Variants in NSD1 observed in about 807,000 individuals in gnomAD.
NSD1 encodes nuclear receptor binding SET domain protein 1, also known as histone-lysine N-methyltransferase, H3 lysine-36 specific.
NSD1 carries 26 observed loss-of-function variants against 242.7 expected under a neutral mutation model. The ratio of observed to expected loss-of-function variants is 0.11; its 90% CI spans 0.08 to 0.15. The LOEUF (loss-of-function observed/expected upper bound fraction) is 0.15, where lower values mean the gene tolerates loss of function less well. NSD1 is among the 10% of genes least tolerant of loss of function. The pLI is 1.00. For synonymous variants in NSD1, 1,106 were observed against 1,178.1 expected, an observed-to-expected ratio of 0.94 and a Z score of 1.25; for missense variants, 2,495 against 3,272.8, an observed-to-expected ratio of 0.76 and a Z score of 5.80.
At chr5:177,250,035 A>C (rs1755804467) in intron 11 of NSD1, among the ~76,000 whole-genome samples, 1 of 152,220 alleles carries the variant, frequency 6.6e-6, no homozygotes, top group Non-Finnish European at 1.5e-5. Flanking sequence ...TTAGTGAGCC[A>C]TGGTCATGCC....
At chr5:177,223,103 A>T (rs1764367004) in intron 5 of NSD1, among the ~76,000 whole-genome samples, 1 of 147,546 alleles carries the variant, frequency 6.8e-6, no homozygotes. Flanking sequence ...TTTCAGACAG[A>T]GTCTCGCTCT....
intron 3 of NSD1, among the ~76,000 whole-genome samples, chr5:177,194,727 A>C (rs1329778672): frequency 4.6e-5 from 5 of 108,010 alleles, no homozygotes; most frequent in Non-Finnish European, 8.5e-5. Context: ...TTTGAGGCAG[A>C]GCCTTGCTCT....
chr5:177,216,679 T>TG (rs2149856973), intron 5 of NSD1, among the ~76,000 whole-genome samples: 1 of 151,534 alleles, frequency 6.6e-6, no homozygotes, highest in East Asian at 1.9e-4. Flanking sequence ...TGTTTTTTTT[T>TG]TTTTTTTTTT....
rs1764041912 is a variant in NSD1, at chr5:177,219,204, T to G, written c.3796+7009T>G. Among the ~76,000 whole-genome samples, 3 of 152,114 alleles carry G rather than the reference T, an allele frequency of 2.0e-5. No homozygotes were observed. The South Asian group carries it at 6.2e-4, about 32-fold the overall frequency. ...CCCATAAGTTTTGTGTTTTTTTTTT[T>G]GAGAGGGAGTCTCGCTCTGTCGCCA... is the stretch of plus-strand genomic sequence containing the variant. On this transcript the variant is annotated intron_variant, in intron 5 of 22. Transcript: ENST00000439151.
At chr5:177,240,415 A>G (rs1054404924) in intron 8 of NSD1, among the ~76,000 whole-genome samples, 1 of 151,968 alleles carries the variant, frequency 6.6e-6, no homozygotes, top group African/African-American at 2.4e-5. Context: ...TTTATTCAAG[A>G]AATCTAGTGT....
chr5:177,167,319 C>T (rs1759286347), intron 2 of NSD1, among the ~76,000 whole-genome samples: 1 of 151,848 alleles, frequency 6.6e-6, no homozygotes, highest in Non-Finnish European at 1.5e-5. Flanking sequence ...GGTGGATCAC[C>T]TGAGGTCAGG....
At chr5:177,212,278 A>G in intron 5 of NSD1, 83 bp downstream of exon 5, 1 of 1,386,216 alleles carries the variant, frequency 7.2e-7, no homozygotes, top group Non-Finnish European at 1.0e-6. Context: ...GGTCTGTTGT[A>G]ATGGTAAAGT....
At chr5:177,206,401 A>G (rs1762871011) in intron 4 of NSD1, among the ~76,000 whole-genome samples, 1 of 152,084 alleles carries the variant, frequency 6.6e-6, no homozygotes, top group South Asian at 2.1e-4. Flanking sequence ...CGGTTTCCCA[A>G]AGTGATGGGA....
chr5:177,280,759 C>T lies in NSD1; in HGVS notation c.5817C>T (p.Arg1939=). The part of the protein sequence containing the change: ...GRCQNQCFSK[R]QYPEVEIFRT... The stretch of plus-strand genomic sequence containing the variant: ...GTCAAAACCAGTGCTTTTCCAAGCG[C>T]CAATATCCAGAGGTTGAAATTTTCC... Residue 1939 remains arginine (R), a synonymous_variant, in exon 18 of 23, where the codon CGC becomes CGT. Coordinates refer to ENST00000439151, the MANE Select transcript of NSD1 (RefSeq NM_022455.5). 1 of 1,614,188 alleles carries T rather than the reference C, an allele frequency of 6.2e-7. No homozygotes were observed. The highest frequency in any genetic ancestry group is 8.5e-7 in the Non-Finnish European group (1 of 1,180,036).
intron 3 of NSD1, among the ~76,000 whole-genome samples, chr5:177,199,236 G>C (rs1373125196): frequency 2.0e-5 from 3 of 152,162 alleles, no homozygotes; most frequent in African/African-American, 4.8e-5. Flanking sequence ...GCGTAGGCTA[G>C]GTGTATTAAA....
chr5:177,273,976 C>A (rs185639847), intron 17 of NSD1, among the ~76,000 whole-genome samples, 192 bp downstream of exon 17: 3 of 152,084 alleles, frequency 2.0e-5, no homozygotes, highest in Non-Finnish European at 4.4e-5. Flanking sequence ...GAGGCCGAGG[C>A]GGGCGGATCA....
At chr5:177,239,096 A>G (rs1765661098) in intron 7 of NSD1, among the ~76,000 whole-genome samples, 1 of 152,232 alleles carries the variant, frequency 6.6e-6, no homozygotes, top group Admixed American at 6.5e-5. Context: ...TAGTCAGTCA[A>G]GGAATGGCAA....
At chr5:177,196,996 G>A (rs887178182) in intron 3 of NSD1, among the ~76,000 whole-genome samples, 4 of 152,184 alleles carry the variant, frequency 2.6e-5, no homozygotes, top group East Asian at 1.9e-4. Flanking sequence ...GGCTGGTTGT[G>A]GTGGCTCACG....
At chr5:177,139,941 CAAA>C (rs58879575) in intron 2 of NSD1, among the ~76,000 whole-genome samples, 6 of 95,550 alleles carry the variant, frequency 6.3e-5, no homozygotes, top group Non-Finnish European at 9.5e-5. Context: ...AAGATCCTGT[CAAA>C]AAAAAAAAAA....
At position 177,175,081 on chromosome 5, in the gene NSD1, C is replaced by T. The variant is rs574169347; in HGVS notation, c.928-16803C>T. On this transcript the variant is annotated intron_variant, in intron 2 of 22. Coordinates refer to ENST00000439151, the MANE Select transcript of NSD1 (RefSeq NM_022455.5). Reference sequence around the variant, plus strand: ...AGAGACGGGGTTTCACCGTGTTAGTCAAGATGGTCTCGATCTCCTGACCTC... The same window carrying T: ...AGAGACGGGGTTTCACCGTGTTAGTTAAGATGGTCTCGATCTCCTGACCTC... Among the ~76,000 whole-genome samples the T allele has an allele frequency of 3.0e-3, 452 of 151,732 alleles. 1 individual carries two copies. The highest frequency in any genetic ancestry group is 5.6e-3 in the Non-Finnish European group (381 of 67,932).
chr5:177,189,064 A>C (rs117541588), intron 2 of NSD1, among the ~76,000 whole-genome samples: 1,977 of 152,224 alleles, frequency 0.013, 86 homozygotes, highest in East Asian at 0.11. Flanking sequence ...ACAAAAAACC[A>C]ACCAAACAAA....
In NSD1 at chr5:177,209,816, A is replaced by C. The variant is rs1763187009; in HGVS notation, c.1417A>C (p.Asn473His). ...TGAGTCAGAACATGACCTGTTGCTT[A>C]ATGGCTGTTTGAAATCACTGGCTTT... ...DPESEHDLLLNGCLKSLAFDS... is the reference protein window; with the variant it reads ...DPESEHDLLLHGCLKSLAFDS... Residue 473 changes from asparagine (N) to histidine (H), a missense_variant, in exon 5 of 23, where the codon AAT becomes CAT. Asn to His is a moderately conservative substitution (Grantham distance 68). Coordinates refer to ENST00000439151, the MANE Select transcript of NSD1 (RefSeq NM_022455.5). 1 of 1,614,162 alleles carries C rather than the reference A, an allele frequency of 6.2e-7. No individual in the cohort carries two copies. Among genetic ancestry groups the C allele is most frequent in the South Asian group, 1.1e-5 (1 of 91,074 alleles).
intron 19 of NSD1, 140 bp downstream of exon 19, chr5:177,282,721 C>A: frequency 1.3e-6 from 1 of 765,692 alleles, no homozygotes; most frequent in East Asian, 2.5e-5. Context: ...GATTGGGGTT[C>A]TGGAGTAGGT....
rs762252770 is a variant in NSD1 at position 177,269,599 on chromosome 5, C to T, written c.5304-3C>T. ...TTTTCCTTCTCCTTTTCACCTTTCC[C>T]AGGTGGTGGCCAGCTGAGATCTGCC... is the stretch of plus-strand genomic sequence containing the variant. On this transcript the variant is annotated splice_polypyrimidine_tract_variant and splice_region_variant and intron_variant, in intron 15 of 22. Transcript: ENST00000439151. The surrounding 1 kb of genome is among the most constrained non-coding windows in gnomAD (Gnocchi z 5.1). 2 of 1,613,942 alleles carry T rather than the reference C, an allele frequency of 1.2e-6. No individual in the cohort carries two copies. Among genetic ancestry groups the T allele is most frequent in the South Asian group, 2.2e-5 (2 of 91,062 alleles).
Sources: allele counts gnomAD v4.1 joint callset (sites outside exome capture counted in the v4.1 genomes callset), GRCh38; gene constraint gnomAD v4.1.1; non-coding constraint Gnocchi (gnomAD v3.1); transcripts MANE v1.5; gene names NCBI Gene and HGNC (gene_info 2026-07-23, HGNC 2026-07-21).